PLB1: variants seen among roughly 807,000 people sequenced by gnomAD.
PLB1 encodes the protein phospholipase B1, membrane-associated.
Under a neutral mutation model 227.4 loss-of-function variants are expected in PLB1, and 242 were observed. The observed-to-expected ratio is 1.06, with a 90% CI of 0.96 to 1.18. The LOEUF (loss-of-function observed/expected upper bound fraction) is 1.18, where lower values mean the gene tolerates loss of function less well. PLB1 is among the 50% of genes most tolerant of loss of function. The pLI is 0.00. For missense variants in PLB1, 1,858 were observed against 1,816.3 expected (o/e 1.02, Z -0.42); for synonymous variants, 757 against 682.2 (o/e 1.11, Z -1.71).
chr2:28,614,154 G>C (rs1356533595), intron 44 of PLB1, 58 bp downstream of exon 44: 1 of 1,465,182 alleles, frequency 6.8e-7, no homozygotes, highest in East Asian at 2.3e-5. Flanking sequence ...CCTGCCAGGG[G>C]CTCGGGTGTG....
chr2:28,565,205 G>C, intron 18 of PLB1, 75 bp from the exon 19 acceptor site: 3 of 1,327,294 alleles, frequency 2.3e-6, no homozygotes, highest in Non-Finnish European at 3.2e-6. Context: ...TAAGAACATA[G>C]ACCTTTTGGC....
chr2:28,588,179 A>C (rs1681241695), intron 26 of PLB1, among the ~76,000 whole-genome samples: 2 of 151,852 alleles, frequency 1.3e-5, no homozygotes, highest in Admixed American at 1.3e-4. Flanking sequence ...TGTGCCAGGG[A>C]CTCTACACAC....
At chr2:28,524,334 A>G (rs573846228) in intron 4 of PLB1, among the ~76,000 whole-genome samples, 19 of 152,308 alleles carry the variant, frequency 1.2e-4, no homozygotes, top group East Asian at 9.7e-4. Flanking sequence ...CACAATTCCA[A>G]GCTTTCTGGG....
At chr2:28,583,561 G>T (rs1290101938) in intron 25 of PLB1, among the ~76,000 whole-genome samples, 1 of 152,176 alleles carries the variant, frequency 6.6e-6, no homozygotes, top group Admixed American at 6.5e-5. Flanking sequence ...GTGACAGGTT[G>T]TAGTGAAAAC....
At chr2:28,590,476 A>G (rs1225175393) in intron 29 of PLB1, among the ~76,000 whole-genome samples, 1 of 152,054 alleles carries the variant, frequency 6.6e-6, no homozygotes, top group Non-Finnish European at 1.5e-5. Flanking sequence ...TAGAGCGAGG[A>G]ATCGAGACCT....
intron 55 of PLB1, 57 bp from the exon 56 acceptor site, chr2:28,632,887 G>T: frequency 3.0e-6 from 4 of 1,319,666 alleles, no homozygotes; most frequent in Non-Finnish European, 4.4e-6. Flanking sequence ...AGAGTGAGTG[G>T]GGCTCAGGTA....
rs1237584072 is a variant in PLB1, at chr2:28,602,898, CAA to C, written c.2752_2753del (p.Lys918ValfsTer11). On this transcript the variant is annotated frameshift_variant, in exon 39 of 58. Transcript: ENST00000327757. LOFTEE classifies it high-confidence loss of function. ...GGCAGGTGTTCCTGGGAAACCCAGACAAGTGCCCAGTGCAGCAGGCCAGGTAG... is the reference window on the plus strand; with the variant it reads ...GGCAGGTGTTCCTGGGAAACCCAGACGTGCCCAGTGCAGCAGGCCAGGTAG... Reference protein sequence around the residue: ...MRQVFLGNPDKCPVQQASVLC... With the variant: ...MRQVFLGNPDXCPVQQASVLC... 6.2e-7 allele frequency: 1 copy of C among 1,614,086 alleles called. No homozygotes were observed. Among genetic ancestry groups the C allele is most frequent in the Admixed American group, 1.7e-5 (1 of 60,010 alleles).
At chr2:28,558,042 C>T (rs532539982) in intron 17 of PLB1, among the ~76,000 whole-genome samples, 38 of 152,300 alleles carry the variant, frequency 2.5e-4, no homozygotes, top group Middle Eastern at 3.4e-3. Context: ...CCATAATCAA[C>T]CAATCTATCA....
intron 23 of PLB1, 59 bp downstream of exon 23, chr2:28,579,766 G>A: frequency 7.0e-7 from 1 of 1,431,350 alleles, no homozygotes; most frequent in Non-Finnish European, 9.8e-7. Context: ...TCACAGCCCG[G>A]TCACTTGCTC....
At chr2:28,603,658 C>T (rs1684235771) in intron 39 of PLB1, among the ~76,000 whole-genome samples, 1 of 152,250 alleles carries the variant, frequency 6.6e-6, no homozygotes, top group Non-Finnish European at 1.5e-5. Context: ...TAAATTTTCA[C>T]TGCCCAAATT....
At chr2:28,632,513 G>T (rs971955118) in intron 55 of PLB1, among the ~76,000 whole-genome samples, 1 of 152,124 alleles carries the variant, frequency 6.6e-6, no homozygotes, top group African/African-American at 2.4e-5. Flanking sequence ...ATTCCGGCCG[G>T]GTGCAGTGGC....
At chr2:28,568,064 T>G (rs1449604234) in intron 20 of PLB1, among the ~76,000 whole-genome samples, 2 of 152,232 alleles carry the variant, frequency 1.3e-5, no homozygotes, top group Non-Finnish European at 2.9e-5. Flanking sequence ...AGAGCAGAGC[T>G]GAGCAGACTT....
rs947146327 is a variant in PLB1 at position 28,625,079 on chromosome 2, G to A, written c.3550G>A (p.Asp1184Asn). 1.2e-6 allele frequency: 2 copies of A among 1,613,674 alleles called. No homozygotes were observed. The highest frequency in any genetic ancestry group is 8.5e-7 in the Non-Finnish European group (1 of 1,179,754). The change falls in exon 50 of 58, where the codon GAC (aspartate) becomes AAC (asparagine). Residue 1184 changes from aspartate (D) to asparagine (N), a missense_variant. Transcript: ENST00000327757. ...TAGGGACATGCCAGCCCAGGCCTGG[G>A]ACCTGGTAGAGCGAATGAAAAACAG... ...RARDMPAQAW[D>N]LVERMKNSPD...
At chr2:28,503,574 A>G (rs948266064) in intron 1 of PLB1, among the ~76,000 whole-genome samples, 2 of 152,218 alleles carry the variant, frequency 1.3e-5, no homozygotes, top group Non-Finnish European at 2.9e-5. Flanking sequence ...GCTTGGGAAG[A>G]CTTCAGCAGA....
At chr2:28,565,030 G>A (rs2148241461) in intron 18 of PLB1, among the ~76,000 whole-genome samples, 1 of 152,284 alleles carries the variant, frequency 6.6e-6, no homozygotes, top group South Asian at 2.1e-4. Context: ...GTTTTACTTG[G>A]TCTTGGCCTA....
chr2:28,539,734 G>A (rs1672202705), intron 11 of PLB1, among the ~76,000 whole-genome samples: 1 of 152,022 alleles, frequency 6.6e-6, no homozygotes, highest in African/African-American at 2.4e-5. Context: ...GGGGAAGGAG[G>A]GCTCTGAAGA....
At chr2:28,525,046 G>C (rs567446722) in intron 4 of PLB1, among the ~76,000 whole-genome samples, 111 of 151,980 alleles carry the variant, frequency 7.3e-4, no homozygotes, top group African/African-American at 2.6e-3. Flanking sequence ...ATGGGGTTTC[G>C]TCATATTGGC....
Position 28,603,955 on chromosome 2 carries a change from T to C in PLB1, c.2775-11T>C. 2 of 1,613,752 alleles carry C rather than the reference T, an allele frequency of 1.2e-6. No homozygotes were observed. Among genetic ancestry groups the C allele is most frequent in the Admixed American group, 3.3e-5 (2 of 60,032 alleles). On this transcript the variant is annotated splice_polypyrimidine_tract_variant and intron_variant, in intron 39 of 57. Transcript: ENST00000327757. ...AGCTCTGGGGCCTCCTGCCTCCCCC[T>C]CTTTGTGCAGCGTTTTGTGTAACTG... is the stretch of plus-strand genomic sequence containing the variant.
intron 46 of PLB1, 169 bp downstream of exon 46, chr2:28,618,568 C>T (rs1686530141): frequency 3.0e-6 from 2 of 663,068 alleles, no homozygotes; most frequent in Admixed American, 2.5e-5. Flanking sequence ...AATGCCCTGT[C>T]TCGCCACCTT....
Sources: gnomAD v4.1 joint callset for allele counts (sites outside exome capture counted in the v4.1 genomes callset) on GRCh38, gnomAD v4.1.1 for gene constraint, MANE v1.5 for transcripts, NCBI Gene and HGNC (gene_info 2026-07-23, HGNC 2026-07-21) for gene names.